DST: variants seen among roughly 807,000 people sequenced by gnomAD.
DST encodes the protein bullous pemphigoid antigen.
In DST, 253 loss-of-function variants were observed where a neutral mutation model predicts 875.2. That is an observed-to-expected ratio of 0.29 (90% confidence interval 0.26 to 0.32). The LOEUF is 0.32. DST is among the 10% of genes least tolerant of loss of function. DST has a pLI of 1.00. For missense variants in DST, 8,287 were observed against 9,111.6 expected, an observed-to-expected ratio of 0.91 and a Z score of 3.68; for synonymous variants, 3,124 against 3,197.1, an observed-to-expected ratio of 0.98 and a Z score of 0.77.
intron 2 of DST, among the ~76,000 whole-genome samples, chr6:56,941,649 T>C (rs1160951792): frequency 6.6e-6 from 1 of 152,142 alleles, no homozygotes; most frequent in East Asian, 1.9e-4. Flanking sequence ...GCTTGGCTAA[T>C]TTTTGTATTT....
chr6:56,641,756 C>T, intron 17 of DST, among the ~76,000 whole-genome samples, 191 bp downstream of exon 17: 1 of 152,020 alleles, frequency 6.6e-6, no homozygotes, highest in East Asian at 1.9e-4. Flanking sequence ...AATATTTTTT[C>T]TATTGCTAAT....
chr6:56,602,272 C>T (rs973396250), intron 43 of DST, among the ~76,000 whole-genome samples: 1 of 151,440 alleles, frequency 6.6e-6, no homozygotes, highest in Non-Finnish European at 1.5e-5. Flanking sequence ...AATGTTGGTC[C>T]CATAAGATTA....
intron 36 of DST, chr6:56,619,448 T>C: frequency 6.2e-7 from 1 of 1,612,120 alleles, no homozygotes; most frequent in Non-Finnish European, 8.5e-7. Context: ...TTCTTTTAGA[T>C]GATCTGATTT....
intron 67 of DST, among the ~76,000 whole-genome samples, chr6:56,528,298 T>C (rs560787208): frequency 6.6e-6 from 1 of 152,298 alleles, no homozygotes; most frequent in African/African-American, 2.4e-5. Context: ...AACATACACA[T>C]ATTGCTGAAC....
chr6:56,583,728 A>G (rs921881685), intron 49 of DST, among the ~76,000 whole-genome samples: 1 of 152,166 alleles, frequency 6.6e-6, no homozygotes, highest in Non-Finnish European at 1.5e-5. Context: ...TTATGGTTTT[A>G]GGTCTAACAT....
In DST at chr6:56,470,236, A is replaced by G; in HGVS notation, c.22368T>C (p.Phe7456=). 1 of 1,611,418 alleles carries G rather than the reference A, an allele frequency of 6.2e-7. No homozygotes were observed. The highest frequency in any genetic ancestry group is 8.5e-7 in the Non-Finnish European group (1 of 1,178,626). The part of the protein sequence containing the change: ...RLEMSAVADI[F]DRDGDGYIDY... Reference sequence around the variant, plus strand: ...CAATATATCCATCGCCATCTCTGTCAAAGATGTCTGCAACTGCGCTCATCT... The same window carrying G: ...CAATATATCCATCGCCATCTCTGTCGAAGATGTCTGCAACTGCGCTCATCT... Residue 7456 remains phenylalanine, a synonymous_variant, in exon 96 of 104, where the codon TTT becomes TTC. Coordinates refer to ENST00000680361, the MANE Select transcript of DST (RefSeq NM_001374736.1).
At chr6:56,763,351 C>A (rs564482931) in intron 4 of DST, among the ~76,000 whole-genome samples, 1 of 152,180 alleles carries the variant, frequency 6.6e-6, no homozygotes, top group African/African-American at 2.4e-5. Flanking sequence ...CATGTCCTAG[C>A]TTTTCACTAT....
intron 3 of DST, chr6:56,852,143 CTCT>C: frequency 2.2e-6 from 2 of 893,640 alleles, no homozygotes; most frequent in Non-Finnish European, 2.7e-6. Flanking sequence ...AGCCCCTGTC[CTCT>C]TTATTTAATT....
At chr6:56,559,277 T>C (rs1193500199) in intron 58 of DST, among the ~76,000 whole-genome samples, 1 of 152,118 alleles carries the variant, frequency 6.6e-6, no homozygotes, top group African/African-American at 2.4e-5. Context: ...TATTCTAAAA[T>C]GTCTTGCTAA....
chr6:56,826,941 CAGTGCTGGATGTTATAATA>C (rs1374397513), intron 4 of DST, among the ~76,000 whole-genome samples: 1 of 152,138 alleles, frequency 6.6e-6, no homozygotes, highest in African/African-American at 2.4e-5. Flanking sequence ...ATGTTCTTGC[CAGTGCTGGATGTTATAATA>C]AGTGCTTTTA....
intron 3 of DST, among the ~76,000 whole-genome samples, chr6:56,853,145 C>T (rs1270526674): frequency 2.0e-5 from 3 of 152,088 alleles, no homozygotes; most frequent in African/African-American, 4.8e-5. Context: ...TCTTTCCCCC[C>T]AAAAAAGCTG....
In DST at chr6:56,604,660, A is replaced by G; in HGVS notation, c.9968T>C (p.Ile3323Thr). The G allele has an allele frequency of 6.2e-7, 1 of 1,612,300 alleles. No homozygotes were observed. The highest frequency in any genetic ancestry group is 8.5e-7 in the Non-Finnish European group (1 of 1,178,984). Residue 3323 changes from isoleucine (I) to threonine (T), a missense_variant, in exon 40 of 104, where the codon ATT becomes ACT. Ile to Thr is a moderately conservative substitution (Grantham distance 89). Coordinates refer to ENST00000680361, the MANE Select transcript of DST (RefSeq NM_001374736.1). Reference protein sequence around the residue: ...FLEINNKKERIEQQLPKEQAL... With the variant: ...FLEINNKKERTEQQLPKEQAL... ...TTGTTCTTTTGGTAGCTGTTGCTCA[A>G]TTCTTTCTTTCTTATTATTAATTTC...
At chr6:56,742,241 G>C (rs1222157700) in intron 4 of DST, 1 of 1,236,202 alleles carries the variant, frequency 8.1e-7, no homozygotes, top group Non-Finnish European at 1.1e-6. Flanking sequence ...CTGAAAACAT[G>C]AAAGTGATAG....
chr6:56,483,358 G>C (rs886734869), intron 88 of DST, among the ~76,000 whole-genome samples: 1 of 152,036 alleles, frequency 6.6e-6, no homozygotes, highest in Non-Finnish European at 1.5e-5. Context: ...TGTGTACCAC[G>C]GATGTCTTAG....
chr6:56,811,183 C>CAAAAA (rs371256050), intron 4 of DST, among the ~76,000 whole-genome samples: 2 of 33,358 alleles, frequency 6.0e-5, no homozygotes, highest in East Asian at 1.3e-3. Context: ...GACCCTGTCT[C>CAAAAA]AAAAAAAAAA....
chr6:56,580,493 G>T (rs2097953618), intron 49 of DST, among the ~76,000 whole-genome samples: 1 of 151,882 alleles, frequency 6.6e-6, no homozygotes, highest in South Asian at 2.1e-4. Context: ...AGGCTGCAGT[G>T]GGCTATGATC....
chr6:56,625,107 G>A, intron 35 of DST, 50 bp downstream of exon 35: 7 of 1,246,952 alleles, frequency 5.6e-6, no homozygotes, highest in East Asian at 2.3e-5. Flanking sequence ...TAAAAAGTAA[G>A]TGTTCTTTCT....
intron 36 of DST, chr6:56,618,677 T>G: frequency 6.2e-7 from 1 of 1,613,662 alleles, no homozygotes; most frequent in South Asian, 1.1e-5. Flanking sequence ...GGCTCTAGAG[T>G]TTTCTTGTTG....
At position 56,659,282 on chromosome 6, in the gene DST, A is replaced by C. The variant is rs540100782; in HGVS notation, c.1215-8038T>G. Among the ~76,000 whole-genome samples, 10 of 152,328 alleles carry C rather than the reference A, an allele frequency of 6.6e-5. No individual in the cohort carries two copies. In the South Asian group the frequency reaches 2.1e-3, roughly 32 times the overall value. The stretch of plus-strand genomic sequence containing the variant: ...AATGGTTATAGTAATTAGGGCTGTA[A>C]GCATGGATGAGAGACAACACAGAGA... On this transcript the variant is annotated intron_variant, in intron 10 of 103. Transcript: ENST00000680361.
Sources: allele counts gnomAD v4.1 joint callset (sites outside exome capture counted in the v4.1 genomes callset), GRCh38; gene constraint gnomAD v4.1.1; transcripts MANE v1.5; gene names NCBI Gene and HGNC (gene_info 2026-07-23, HGNC 2026-07-21).